Variants in TP73 observed in about 807,000 individuals in gnomAD.
The protein encoded by TP73 is p53-like transcription factor.
TP73 carries 25 observed loss-of-function variants against 62.5 expected under a neutral mutation model. The observed-to-expected ratio is 0.40, with a 90% CI of 0.29 to 0.56. The LOEUF is 0.56. TP73 is among the 20% of genes least tolerant of loss of function. The pLI, the probability that TP73 is intolerant of heterozygous loss-of-function variation, is 0.46. For missense variants in TP73, 754 were observed against 913.3 expected (o/e 0.83, Z 2.25); for synonymous variants, 423 against 377.5 (o/e 1.12, Z -1.40).
chr1:3,692,329 C>G (rs570867875), intron 3 of TP73, among the ~76,000 whole-genome samples: 2 of 152,264 alleles, frequency 1.3e-5, no homozygotes, highest in African/African-American at 4.8e-5. Context: ...AGCCCCACAG[C>G]CTGCCCAGAT....
In TP73 at chr1:3,715,206, C is replaced by A. The variant is rs376383263; in HGVS notation, c.430-6815C>A. Among the ~76,000 whole-genome samples, 318 of 152,272 alleles carry A rather than the reference C, an allele frequency of 2.1e-3. 3 individuals carry two copies. The highest frequency in any genetic ancestry group is 7.1e-3 in the African/African-American group (297 of 41,564). On this transcript the variant is annotated intron_variant, in intron 4 of 13. Transcript: ENST00000378295. ...GGCCCCTGGCTGTTGTTCCCCTTAC[C>A]CCTAAGGGGCTTAAGTCCAGCCACG...
Position 3,726,899 on chromosome 1 carries a change from T to TTTGATGGATGGG in TP73, c.733-215_733-214insTGATGGATGGGT, listed in dbSNP as rs1641685465. On this transcript the variant is annotated intron_variant, in intron 6 of 13. Transcript: ENST00000378295. ...ATGGATGGATGAATAGATAAATGGG[T>TTTGATGGATGGG]TCGATGGATGGATGGATGGACGGAT... is the stretch of plus-strand genomic sequence containing the variant. Among the ~76,000 whole-genome samples the TTTGATGGATGGG allele has an allele frequency of 1.6e-4, 4 of 25,506 alleles. No homozygotes were observed. The South Asian group carries it at 2.5e-3, about 16-fold the overall frequency. 16.7% of individuals were successfully genotyped at this position (25,506 alleles called of 152,430 possible). A position where few individuals can be genotyped will look rare whatever the true frequency, so the allele number is the denominator to read the frequency against.
At chr1:3,726,779 T>C (rs1570629528) in intron 6 of TP73, among the ~76,000 whole-genome samples, 1 of 137,854 alleles carries the variant, frequency 7.3e-6, no homozygotes, top group African/African-American at 2.8e-5. Context: ...AATGGATGGG[T>C]AGGTGGATGG....
chr1:3,707,407 G>C, intron 3 of TP73, 142 bp from the exon 4 acceptor site: 1 of 1,215,864 alleles, frequency 8.2e-7, no homozygotes, highest in Non-Finnish European at 1.2e-6. Context: ...GGCCTGTTGG[G>C]ATGGGGGAGA....
intron 3 of TP73, chr1:3,690,647 G>C: frequency 7.2e-7 from 1 of 1,389,218 alleles, no homozygotes; most frequent in South Asian, 1.5e-5. Context: ...GAGGAATAAA[G>C]GGGTGGGCCG....
chr1:3,717,755 G>C (rs1040194221), intron 4 of TP73, among the ~76,000 whole-genome samples: 16 of 152,224 alleles, frequency 1.1e-4, no homozygotes, highest in African/African-American at 3.4e-4. Context: ...ATCTCTCAGG[G>C]CTCCCTTCCC....
intron 1 of TP73, among the ~76,000 whole-genome samples, chr1:3,661,876 T>C (rs907506418): frequency 6.9e-6 from 1 of 144,476 alleles, no homozygotes; most frequent in South Asian, 2.1e-4. Flanking sequence ...CAATATATAT[T>C]TTTTATTTTA....
chr1:3,687,351 C>T (rs1014717276), intron 3 of TP73, among the ~76,000 whole-genome samples: 5 of 152,180 alleles, frequency 3.3e-5, no homozygotes, highest in South Asian at 2.1e-4. Context: ...GTGGGGTCTG[C>T]CCTGGCCACC....
Position 3,720,492 on chromosome 1 carries a change from C to T in TP73, c.430-1529C>T, listed in dbSNP as rs568421861. Among the ~76,000 whole-genome samples the T allele has an allele frequency of 5.3e-5, 8 of 152,332 alleles. No homozygotes were observed. In the East Asian group the frequency reaches 1.5e-3, roughly 29 times the overall value. On this transcript the variant is annotated intron_variant, in intron 4 of 13. Transcript: ENST00000378295. ...CACTTGTCCCTCCAGCCCCCTCACA[C>T]CCATGGCAGGGACAGACCAGCGTTC...
At chr1:3,697,571 C>A (rs1015922046) in intron 3 of TP73, among the ~76,000 whole-genome samples, 6 of 152,264 alleles carry the variant, frequency 3.9e-5, no homozygotes, top group African/African-American at 9.6e-5. Context: ...AGCCCCTGCA[C>A]GCTTGCTGGC....
intron 4 of TP73, among the ~76,000 whole-genome samples, chr1:3,721,654 T>A (rs951246381): frequency 6.6e-6 from 1 of 152,214 alleles, no homozygotes; most frequent in Admixed American, 6.5e-5. Flanking sequence ...TCCACAGGCC[T>A]GGCTCCCAGC....
chr1:3,682,355 G>A lies in TP73; in HGVS notation c.-11G>A, dbSNP rs772547777. The A allele has an allele frequency of 6.5e-7, 1 of 1,532,438 alleles. No homozygotes were observed. The highest frequency in any genetic ancestry group is 8.8e-7 in the Non-Finnish European group (1 of 1,133,020). The allele number at this position is 1,532,438 out of a possible 1,614,324, so 94.9% of individuals were successfully genotyped here. ...CAGAGCGAGCTGCCCTCGGAGGCCG[G>A]CGTGGGGAAGATGGCCCAGTCCACC... On this transcript the variant is annotated 5_prime_UTR_variant, in exon 2 of 14. Coordinates refer to ENST00000378295, the MANE Select transcript of TP73 (RefSeq NM_005427.4).
At chr1:3,667,382 T>C (rs1246765596) in intron 1 of TP73, among the ~76,000 whole-genome samples, 3 of 152,206 alleles carry the variant, frequency 2.0e-5, no homozygotes, top group East Asian at 1.9e-4. Context: ...TGTGTGGTCA[T>C]TGGTTACGGC....
rs1256101911 is a variant in TP73 at position 3,666,257 on chromosome 1, C to T, written c.-34+13616C>T. 6.6e-6 allele frequency among the ~76,000 whole-genome samples: 1 copy of T among 151,958 alleles called. No homozygotes were observed. Among genetic ancestry groups the T allele is most frequent in the Non-Finnish European group, 1.5e-5 (1 of 67,992 alleles). ...CTGCTGGGCTCAGGCCATCCTCTTGCCTGTGTCCTGAGTAGCTGTGACCAT... is the reference window on the plus strand; with the variant it reads ...CTGCTGGGCTCAGGCCATCCTCTTGTCTGTGTCCTGAGTAGCTGTGACCAT... On this transcript the variant is annotated intron_variant, in intron 1 of 13. Coordinates refer to ENST00000378295, the MANE Select transcript of TP73 (RefSeq NM_005427.4). This position sits in a 1 kb window ranked among gnomAD's most constrained non-coding sequence, Gnocchi z 6.4.
intron 4 of TP73, chr1:3,714,076 A>G (rs927237061): frequency 6.6e-6 from 1 of 152,100 alleles, no homozygotes; most frequent in African/African-American, 2.4e-5. Context: ...TTGGGGAGAC[A>G]CCACTCTCTG....
intron 3 of TP73, among the ~76,000 whole-genome samples, chr1:3,706,108 C>T (rs892349647): frequency 3.9e-5 from 6 of 152,158 alleles, no homozygotes; most frequent in Non-Finnish European, 7.4e-5. Context: ...GCAGAATGAC[C>T]GCCCCCCGCC....
chr1:3,731,286 T>C (rs1325991170), intron 12 of TP73, among the ~76,000 whole-genome samples, 177 bp from the exon 13 acceptor site: 1 of 152,204 alleles, frequency 6.6e-6, no homozygotes, highest in Non-Finnish European at 1.5e-5. Flanking sequence ...TCCACTGACC[T>C]GTCCCCAGCT....
At chr1:3,729,972 A>G in intron 10 of TP73, 28 bp from the exon 11 acceptor site, 1 of 1,549,248 alleles carries the variant, frequency 6.5e-7, no homozygotes, top group Non-Finnish European at 8.8e-7. Context: ...CTTGCTTCCC[A>G]CCCATGCGAG....
At chr1:3,683,881 G>A (rs1345227384) in intron 3 of TP73, among the ~76,000 whole-genome samples, 1 of 152,228 alleles carries the variant, frequency 6.6e-6, no homozygotes, top group African/African-American at 2.4e-5. Flanking sequence ...GAAGATGGAG[G>A]TGCTGTTTCC....
Sources: allele counts gnomAD v4.1 joint callset (sites outside exome capture counted in the v4.1 genomes callset), GRCh38; gene constraint gnomAD v4.1.1; non-coding constraint Gnocchi (gnomAD v3.1); transcripts MANE v1.5; gene names NCBI Gene and HGNC (gene_info 2026-07-23, HGNC 2026-07-21).